CNTNAP3B: variants seen among roughly 807,000 people sequenced by gnomAD.
CNTNAP3B encodes the protein contactin-associated protein-like 3B.
In CNTNAP3B, 25 loss-of-function variants were observed where a neutral mutation model predicts 108.9. That is an observed-to-expected ratio of 0.23 (90% CI 0.17 to 0.32). The LOEUF (loss-of-function observed/expected upper bound fraction) is 0.32. Among genes scored for constraint, CNTNAP3B ranks in the 10% least tolerant of loss-of-function variants. The pLI is 1.00. For missense variants in CNTNAP3B, 252 were observed against 1,210.4 expected (o/e 0.21, Z 11.75); for synonymous variants, 103 against 473.4 (o/e 0.22, Z 10.16).
intron 12 of CNTNAP3B, among the ~76,000 whole-genome samples, chr9:41,957,771 G>GT (rs556264455): frequency 6.0e-4 from 91 of 152,300 alleles, no homozygotes; most frequent in African/African-American, 2.1e-3. Flanking sequence ...TTGTTTTTTG[G>GT]TTTTTTTGAG....
intron 13 of CNTNAP3B, among the ~76,000 whole-genome samples, chr9:41,938,960 C>T (rs1312337871): frequency 4.2e-4 from 64 of 152,234 alleles, no homozygotes; most frequent in African/African-American, 1.5e-3. Flanking sequence ...CATTGATAGG[C>T]TTTTCTCATC....
chr9:41,942,988 A>G (rs1824406880), intron 13 of CNTNAP3B, among the ~76,000 whole-genome samples: 1 of 152,278 alleles, frequency 6.6e-6, no homozygotes, highest in Non-Finnish European at 1.5e-5. Context: ...GCCAAACAAT[A>G]CAGTCTTATG....
rs1280437280 is a variant in CNTNAP3B at position 42,119,605 on chromosome 9, C to G, written c.85+9405G>C. On this transcript the variant is annotated intron_variant, in intron 1 of 23. Coordinates refer to ENST00000377561, the MANE Select transcript of CNTNAP3B (RefSeq NM_001201380.3). ...TACTACAAGGCTACAGTAACCAAAA[C>G]AGCATGGCACTGGTACCAAAACAGA... is the stretch of plus-strand genomic sequence containing the variant. 2.3e-5 allele frequency among the ~76,000 whole-genome samples: 3 copies of G among 131,902 alleles called. 1 individual carries two copies. Among genetic ancestry groups the G allele is most frequent in the African/African-American group, 6.1e-5 (2 of 32,704 alleles). The allele number at this position is 131,902 out of a possible 152,430, so 86.5% of individuals were successfully genotyped here.
chr9:41,944,484 T>A (rs1824463540), intron 13 of CNTNAP3B, among the ~76,000 whole-genome samples: 1 of 152,288 alleles, frequency 6.6e-6, no homozygotes, highest in South Asian at 2.1e-4. Context: ...GAAAGTAGAT[T>A]GTTATAGTGT....
At chr9:42,045,759 C>T (rs866415473) in intron 3 of CNTNAP3B, among the ~76,000 whole-genome samples, 191 of 144,946 alleles carry the variant, frequency 1.3e-3, no homozygotes, top group African/African-American at 4.9e-3. Context: ...TCATTTTCAG[C>T]TTGACATTCA....
chr9:41,938,061 T>A, intron 14 of CNTNAP3B, 183 bp downstream of exon 14: 1 of 825,910 alleles, frequency 1.2e-6, no homozygotes, highest in Non-Finnish European at 1.8e-6. Flanking sequence ...TAGTAAATCT[T>A]TGGTCATAAA....
chr9:41,939,593 C>T (rs1286187477), intron 13 of CNTNAP3B, among the ~76,000 whole-genome samples: 4 of 152,284 alleles, frequency 2.6e-5, no homozygotes, highest in Non-Finnish European at 5.9e-5. Context: ...AAGCTTGTCA[C>T]TACAACGTAA....
chr9:41,980,713 C>G (rs1445871966), intron 9 of CNTNAP3B: 3 of 147,898 alleles, frequency 2.0e-5, no homozygotes, highest in African/African-American at 7.7e-5. Flanking sequence ...TAAAAACCCT[C>G]AACAAATGAG....
intron 3 of CNTNAP3B, among the ~76,000 whole-genome samples, chr9:42,031,065 A>G (rs1166288418): frequency 1.1e-5 from 1 of 92,074 alleles, no homozygotes; most frequent in Non-Finnish European, 2.2e-5. Flanking sequence ...GAATCTTCTG[A>G]TTGATTTTTC....
At chr9:41,917,786 C>T (rs1485035338) in intron 18 of CNTNAP3B, among the ~76,000 whole-genome samples, 1 of 151,114 alleles carries the variant, frequency 6.6e-6, no homozygotes, top group South Asian at 2.1e-4. Flanking sequence ...CTGGGGATGA[C>T]AAGAAATGCT....
chr9:42,121,941 G>A (rs1317297089), intron 1 of CNTNAP3B, among the ~76,000 whole-genome samples: 1 of 140,074 alleles, frequency 7.1e-6, no homozygotes, highest in Non-Finnish European at 1.5e-5. Context: ...TTACAGCATA[G>A]CAAACAGTAT....
chr9:41,961,311 T>G (rs1334272426), intron 11 of CNTNAP3B, among the ~76,000 whole-genome samples: 1 of 152,304 alleles, frequency 6.6e-6, no homozygotes, highest in Admixed American at 6.5e-5. Flanking sequence ...TGTTTTCTTT[T>G]GCTTTTAGGC....
chr9:41,939,100 G>A (rs1038880286), intron 13 of CNTNAP3B, among the ~76,000 whole-genome samples: 4 of 152,282 alleles, frequency 2.6e-5, no homozygotes, highest in African/African-American at 9.6e-5. Flanking sequence ...CAGATCTATA[G>A]AACTGCATAT....
intron 13 of CNTNAP3B, among the ~76,000 whole-genome samples, chr9:41,952,503 GTGAGTCCTGCA>G: frequency 6.6e-6 from 1 of 152,390 alleles, no homozygotes; most frequent in African/African-American, 2.4e-5. Flanking sequence ...GAGAGCAGCG[GTGAGTCCTGCA>G]GGGGACTGTG....
chr9:41,926,724 G>T (rs1215134923), intron 15 of CNTNAP3B: 3 of 152,452 alleles, frequency 2.0e-5, no homozygotes, highest in Non-Finnish European at 4.4e-5. Context: ...CCCAAAAAGA[G>T]AAGGGAATAT....
At chr9:42,005,387 TG>T (rs1366051293) in intron 4 of CNTNAP3B, among the ~76,000 whole-genome samples, 1 of 93,408 alleles carries the variant, frequency 1.1e-5, no homozygotes, top group Non-Finnish European at 2.2e-5. Context: ...GATGGAGTTT[TG>T]CTGTGTTGCC....
chr9:42,094,442 C>T (rs1321211729), intron 2 of CNTNAP3B, among the ~76,000 whole-genome samples: 1 of 127,846 alleles, frequency 7.8e-6, no homozygotes, highest in Non-Finnish European at 1.6e-5. Context: ...ACTGCTTGAG[C>T]CCAGGAATTC....
intron 1 of CNTNAP3B, among the ~76,000 whole-genome samples, chr9:42,108,714 C>G (rs1463807470): frequency 7.4e-6 from 1 of 134,472 alleles, no homozygotes; most frequent in Non-Finnish European, 1.6e-5. Context: ...GATTTAGTCT[C>G]GGTGATTAGC....
At chr9:42,085,934 C>T (rs1827694968) in intron 2 of CNTNAP3B, among the ~76,000 whole-genome samples, 1 of 145,144 alleles carries the variant, frequency 6.9e-6, no homozygotes, top group Non-Finnish European at 1.5e-5. Context: ...GAATATGCCA[C>T]ATTGTGGTTA....
Sources: allele counts gnomAD v4.1 joint callset (sites outside exome capture counted in the v4.1 genomes callset), GRCh38; gene constraint gnomAD v4.1.1; transcripts MANE v1.5; gene names NCBI Gene and HGNC (gene_info 2026-07-23, HGNC 2026-07-21).